ZNF426: variants seen among roughly 807,000 people sequenced by gnomAD.
ZNF426 encodes zinc finger protein 426.
Under a neutral mutation model 24.0 loss-of-function variants are expected in ZNF426, and 23 were observed. The ratio of observed to expected loss-of-function variants is 0.96; its 90% confidence interval spans 0.69 to 1.36. The LOEUF (loss-of-function observed/expected upper bound fraction) is 1.36, where lower values mean the gene tolerates loss of function less well. ZNF426 is among the 40% of genes most tolerant of loss of function. The pLI is 0.00. For missense variants in ZNF426, 646 were observed against 658.4 expected, an observed-to-expected ratio of 0.98 and a Z score of 0.21; for synonymous variants, 272 against 224.6, an observed-to-expected ratio of 1.21 and a Z score of -1.89.
At chr19:9,535,089 AAAAAAAAG>A in intron 4 of ZNF426, 91 bp downstream of exon 4, 2 of 950,444 alleles carry the variant, frequency 2.1e-6, no homozygotes, top group South Asian at 1.7e-5. Flanking sequence ...AAAAAAAAAA[AAAAAAAAG>A]AAGTCTGGAG....
rs953436565 is a variant in ZNF426, at chr19:9,526,584, T to TA, written c.*1795dup. On this transcript the variant is annotated 3_prime_UTR_variant, in exon 8 of 8. Transcript: ENST00000253115. ...CACACCTGAAAAGCAAAGAGAAGAA[T>TA]AAAAAAACAAGATATAAGAACTGTG... is the stretch of plus-strand genomic sequence containing the variant. The TA allele has an allele frequency of 6.8e-6, 1 of 147,634 alleles. No homozygotes were observed. Among genetic ancestry groups the TA allele is most frequent in the African/African-American group, 2.5e-5 (1 of 39,862 alleles). The allele number at this position is 147,634 out of a possible 1,614,324, so 9.1% of individuals were successfully genotyped here. A position where few individuals can be genotyped will look rare whatever the true frequency, so the allele number is the denominator to read the frequency against.
chr19:9,535,096 A>AAT, intron 4 of ZNF426, 92 bp downstream of exon 4: 2 of 864,140 alleles, frequency 2.3e-6, no homozygotes, highest in East Asian at 3.0e-5. Context: ...AAAAAAAAAA[A>AAT]GAAGTCTGGA....
In ZNF426 at chr19:9,524,680, C is replaced by T. The variant is rs2073773507; in HGVS notation, c.*3700G>A. 1.4e-5 allele frequency: 2 copies of T among 147,112 alleles called. No homozygotes were observed. Among genetic ancestry groups the T allele is most frequent in the African/African-American group, 5.0e-5 (2 of 40,148 alleles). 9.1% of individuals were successfully genotyped at this position (147,112 alleles called of 1,614,324 possible). Reference sequence around the variant, plus strand: ...CCTGTAATCCCAGCTACTTGGGAGGCTGAGGCAGAATAATCACTTGAACCT... The same window carrying T: ...CCTGTAATCCCAGCTACTTGGGAGGTTGAGGCAGAATAATCACTTGAACCT... On this transcript the variant is annotated 3_prime_UTR_variant, in exon 8 of 8. Transcript: ENST00000253115.
At position 9,525,303 on chromosome 19, in the gene ZNF426, T is replaced by C. The variant is rs913369396; in HGVS notation, c.*3077A>G. ...AAATAAAAATAAAAAGGAAGGATTA[T>C]ATAAATCCTTTTCAACATTTCTTAT... is the stretch of plus-strand genomic sequence containing the variant. On this transcript the variant is annotated 3_prime_UTR_variant, in exon 8 of 8. Coordinates refer to ENST00000253115, the MANE Select transcript of ZNF426 (RefSeq NM_024106.3). The C allele has an allele frequency of 7.3e-5, 11 of 151,578 alleles. No individual in the cohort carries two copies. Among genetic ancestry groups the C allele is most frequent in the African/African-American group, 2.2e-4 (9 of 41,214 alleles). The allele number at this position is 151,578 out of a possible 1,614,324, so 9.4% of individuals were successfully genotyped here.
Position 9,528,377 on chromosome 19 carries a change from T to C in ZNF426, c.*3A>G, listed in dbSNP as rs765910931. The C allele has an allele frequency of 6.4e-7, 1 of 1,565,406 alleles. No homozygotes were observed. Among genetic ancestry groups the C allele is most frequent in the Non-Finnish European group, 8.6e-7 (1 of 1,158,582 alleles). ...CCACATTTATTACATGGACAGTTTC[T>C]CACTAGTGAATTTGTTCATGTCTTC... On this transcript the variant is annotated 3_prime_UTR_variant, in exon 8 of 8. Coordinates refer to ENST00000253115, the MANE Select transcript of ZNF426 (RefSeq NM_024106.3).
At position 9,528,202 on chromosome 19, in the gene ZNF426, G is replaced by A; in HGVS notation, c.*178C>T. The A allele has an allele frequency of 3.3e-6, 2 of 608,336 alleles. No homozygotes were observed. The highest frequency in any genetic ancestry group is 5.5e-6 in the Non-Finnish European group (2 of 366,632). The allele number at this position is 608,336 out of a possible 1,614,324, so 37.7% of individuals were successfully genotyped here. A position where few individuals can be genotyped will look rare whatever the true frequency, so the allele number is the denominator to read the frequency against. On this transcript the variant is annotated 3_prime_UTR_variant, in exon 8 of 8. Coordinates refer to ENST00000253115, the MANE Select transcript of ZNF426 (RefSeq NM_024106.3). The stretch of plus-strand genomic sequence containing the variant: ...AAGGTTTCACCATGTTGGCCAGGGT[G>A]GTCTCAAACTCCTGACCTCAAGTGA...
At position 9,523,373 on chromosome 19, in the gene ZNF426, G is replaced by C. The variant is rs761761078; in HGVS notation, c.*5007C>G. 2.6e-5 allele frequency: 4 copies of C among 152,014 alleles called. No individual in the cohort carries two copies. The highest frequency in any genetic ancestry group is 5.9e-5 in the Non-Finnish European group (4 of 68,002). 9.4% of individuals were successfully genotyped at this position (152,014 alleles called of 1,614,324 possible). On this transcript the variant is annotated 3_prime_UTR_variant, in exon 8 of 8. Transcript: ENST00000253115. ...CTTTGCCTTGAAGGTAACCATTTCC[G>C]GTCACTTCACATAAAATTCTGTGCC...
intron 2 of ZNF426, among the ~76,000 whole-genome samples, chr19:9,536,872 C>T (rs961499204): frequency 5.9e-5 from 9 of 151,766 alleles, no homozygotes; most frequent in African/African-American, 9.7e-5. Flanking sequence ...GGGTGGCTCA[C>T]GCCTGTAATC....
In ZNF426 at chr19:9,535,177, C is replaced by T. The variant is rs2073947115; in HGVS notation, c.117+11G>A. On this transcript the variant is annotated intron_variant, in intron 4 of 7. Transcript: ENST00000253115. ...TATGTCACTATGTATAAGAATACAGCTGCTTTTTACCTGATAACAATCTGT... is the reference window on the plus strand; with the variant it reads ...TATGTCACTATGTATAAGAATACAGTTGCTTTTTACCTGATAACAATCTGT... 6.2e-7 allele frequency: 1 copy of T among 1,607,500 alleles called. No individual in the cohort carries two copies. Among genetic ancestry groups the T allele is most frequent in the Admixed American group, 1.7e-5 (1 of 59,542 alleles).
At position 9,529,155 on chromosome 19, in the gene ZNF426, A is replaced by C; in HGVS notation, c.890T>G (p.Ile297Ser). Reference protein sequence around the residue: ...KGYRYPAYLSIHMRTHTGEKP... With the variant: ...KGYRYPAYLSSHMRTHTGEKP... ...CTCCCCAGTGTGGGTTCGCATGTGA[A>C]TACTGAGGTAGGCTGGGTATCTATA... Residue 297 changes from isoleucine to serine, a missense_variant, in exon 8 of 8, where the codon ATT (isoleucine) becomes AGT (serine). By Grantham distance (142) the Ile-to-Ser change is moderately radical. Coordinates refer to ENST00000253115, the MANE Select transcript of ZNF426 (RefSeq NM_024106.3). 1 of 1,614,222 alleles carries C rather than the reference A, an allele frequency of 6.2e-7. No homozygotes were observed.
rs1291185858 is a variant in ZNF426 at position 9,527,808 on chromosome 19, G to A, written c.*572C>T. The A allele has an allele frequency of 6.6e-6, 1 of 152,134 alleles. No homozygotes were observed. Among genetic ancestry groups the A allele is most frequent in the East Asian group, 1.9e-4 (1 of 5,194 alleles). The allele number at this position is 152,134 out of a possible 1,614,324, so 9.4% of individuals were successfully genotyped here. On this transcript the variant is annotated 3_prime_UTR_variant, in exon 8 of 8. Coordinates refer to ENST00000253115, the MANE Select transcript of ZNF426 (RefSeq NM_024106.3). ...CCAAGATGAAGGTGCCAGCAGGGTTGGTGGCTTTGATAGAAGGATCTGTCC... is the reference window on the plus strand; with the variant it reads ...CCAAGATGAAGGTGCCAGCAGGGTTAGTGGCTTTGATAGAAGGATCTGTCC...
Position 9,529,157 on chromosome 19 carries a change from A to G in ZNF426, c.888T>C (p.Ser296=). 1 of 1,614,240 alleles carries G rather than the reference A, an allele frequency of 6.2e-7. No homozygotes were observed. Among genetic ancestry groups the G allele is most frequent in the Non-Finnish European group, 8.5e-7 (1 of 1,180,036 alleles). The change falls in exon 8 of 8, where the codon AGT becomes AGC. Residue 296 remains serine (S), a synonymous_variant. Coordinates refer to ENST00000253115, the MANE Select transcript of ZNF426 (RefSeq NM_024106.3). ...GKGYRYPAYL[S]IHMRTHTGEK... ...CCCCAGTGTGGGTTCGCATGTGAAT[A>G]CTGAGGTAGGCTGGGTATCTATAGC...
chr19:9,529,725 AT>A, intron 7 of ZNF426, 89 bp from the exon 8 acceptor site: 1 of 1,272,392 alleles, frequency 7.9e-7, no homozygotes, highest in Non-Finnish European at 1.1e-6. Flanking sequence ...TATAATGGTG[AT>A]TATAATTGAT....
chr19:9,535,326 C>A, intron 3 of ZNF426, 47 bp from the exon 4 acceptor site: 1 of 1,399,272 alleles, frequency 7.1e-7, no homozygotes, highest in South Asian at 1.2e-5. Flanking sequence ...CCATAATCCC[C>A]ACATCCACCT....
chr19:9,537,568 G>A (rs1300796067), intron 2 of ZNF426, among the ~76,000 whole-genome samples: 1 of 151,234 alleles, frequency 6.6e-6, no homozygotes, highest in Non-Finnish European at 1.5e-5. Context: ...GGGATCACAG[G>A]TGTGAGCCAC....
At chr19:9,532,246 T>C (rs2073895977) in intron 6 of ZNF426, among the ~76,000 whole-genome samples, 1 of 151,866 alleles carries the variant, frequency 6.6e-6, no homozygotes, top group Non-Finnish European at 1.5e-5. Context: ...AAAACTTATG[T>C]TTTGTTTATT....
Position 9,529,185 on chromosome 19 carries a change from T to G in ZNF426, c.860A>C (p.Lys287Thr), listed in dbSNP as rs1481192316. 1.9e-6 allele frequency: 3 copies of G among 1,614,128 alleles called. No individual in the cohort carries two copies. The African/African-American group carries it at 4.0e-5, about 22-fold the overall frequency. ...KKPYKCKECG[K>T]GYRYPAYLSI... ...GAGGTAGGCTGGGTATCTATAGCCT[T>G]TTCCACATTCCTTACATTTGTAGGG... Residue 287 changes from lysine to threonine, a missense_variant, in exon 8 of 8, where the codon AAA becomes ACA. Transcript: ENST00000253115.
rs754236682 is a variant in ZNF426, at chr19:9,529,114, T to C, written c.931A>G (p.Lys311Glu). 6.2e-7 allele frequency: 1 copy of C among 1,614,174 alleles called. No homozygotes were observed. The highest frequency in any genetic ancestry group is 1.1e-5 in the South Asian group (1 of 91,060). Residue 311 changes from lysine (K) to glutamate (E), a missense_variant, in exon 8 of 8, where the codon AAG (lysine) becomes GAG (glutamate). Lys to Glu is a moderately conservative substitution (Grantham distance 56). Coordinates refer to ENST00000253115, the MANE Select transcript of ZNF426 (RefSeq NM_024106.3). ...THTGEKPYEC[K>E]ECGKAFNYSN... The stretch of plus-strand genomic sequence containing the variant: ...TAATTGAAGGCTTTCCCACATTCCT[T>C]ACATTCATATGGTTTCTCCCCAGTG...
At position 9,531,008 on chromosome 19, in the gene ZNF426, G is replaced by GAC. The variant is rs755505791; in HGVS notation, c.383_384dup (p.Gln129ValfsTer38). ...ACCAATTGTATCCCAATGGATGTCTGACCCCTCAAAAAGTCCTGCTGAAGT... is the reference window on the plus strand; with the variant it reads ...ACCAATTGTATCCCAATGGATGTCTGACACCCCTCAAAAAGTCCTGCTGAAGT... On this transcript the variant is annotated frameshift_variant, in exon 7 of 8. Coordinates refer to ENST00000253115, the MANE Select transcript of ZNF426 (RefSeq NM_024106.3). LOFTEE classifies it low-confidence loss of function (END_TRUNC). 1.9e-6 allele frequency: 3 copies of GAC among 1,613,776 alleles called. No individual in the cohort carries two copies. The South Asian group carries it at 3.3e-5, about 18-fold the overall frequency.
Sources: allele counts gnomAD v4.1 joint callset (sites outside exome capture counted in the v4.1 genomes callset), GRCh38; gene constraint gnomAD v4.1.1; transcripts MANE v1.5; gene names NCBI Gene and HGNC (gene_info 2026-07-23, HGNC 2026-07-21).